Variants in GCN1 observed in about 807,000 individuals in gnomAD.
The protein encoded by GCN1 is GCN1 activator of EIF2AK4, also known as stalled ribosome sensor GCN1.
Under a neutral mutation model 288.4 loss-of-function variants are expected in GCN1, and 90 were observed. The observed-to-expected ratio is 0.31, with a 90% CI of 0.26 to 0.37. GCN1 has a LOEUF of 0.37. Ranked by LOEUF, GCN1 falls within the 10% of genes least tolerant of loss-of-function variation. The probability of loss-of-function intolerance (pLI) is 1.00; values close to 1 mark genes in which losing one functional copy is unlikely to be tolerated. For synonymous variants in GCN1, 1,386 were observed against 1,420.2 expected, an observed-to-expected ratio of 0.98 and a Z score of 0.54; for missense variants, 2,586 against 3,419.9, an observed-to-expected ratio of 0.76 and a Z score of 6.08.
In GCN1 at chr12:120,140,886, C is replaced by T. The variant is rs1472204291; in HGVS notation, c.5967G>A (p.Glu1989=). The stretch of plus-strand genomic sequence containing the variant: ...CATCCCGGCTGGTGGACTTCATGAT[C>T]TCACTTAGGCCAATGCACACACCCT... The part of the protein sequence containing the change: ...ERQGVCIGLS[E]IMKSTSRDAV... The change falls in exon 45 of 58, where the codon GAG becomes GAA. Residue 1989 remains glutamate (E), a synonymous_variant. Coordinates refer to ENST00000300648, the MANE Select transcript of GCN1 (RefSeq NM_006836.2). 2 of 1,613,860 alleles carry T rather than the reference C, an allele frequency of 1.2e-6. No individual in the cohort carries two copies. The highest frequency in any genetic ancestry group is 1.7e-5 in the Admixed American group (1 of 59,978).
chr12:120,176,532 C>T (rs1435825732), intron 9 of GCN1, among the ~76,000 whole-genome samples: 2 of 152,166 alleles, frequency 1.3e-5, no homozygotes, highest in Non-Finnish European at 2.9e-5. Context: ...AGGTTCTTAA[C>T]CTGAATCGTC....
chr12:120,133,752 AGC>A (rs1876905772), intron 53 of GCN1, among the ~76,000 whole-genome samples: 1 of 152,218 alleles, frequency 6.6e-6, no homozygotes, highest in Non-Finnish European at 1.5e-5. Flanking sequence ...GTCTCTACAA[AGC>A]TTACTTGCCT....
rs140664704 is a variant in GCN1 at position 120,155,305 on chromosome 12, C to T, written c.3566G>A (p.Arg1189His). ...AACCTCCGCCGCCTGCCGCTGGTAA[C>T]GTGCCACTGCTTGGGAGAGGGCTTC... The part of the protein sequence containing the change: ...GAEALSQAVA[R>H]YQRQAAEVMG... Residue 1189 changes from arginine (R) to histidine (H), a missense_variant, in exon 30 of 58, where the codon CGT becomes CAT. Physicochemically the swap from Arg to His is conservative, Grantham distance 29 (BLOSUM62 0). This residue lies in a region of GCN1 where 332 missense variants were observed against 403.0 expected (regional missense o/e 0.82). Coordinates refer to ENST00000300648, the MANE Select transcript of GCN1 (RefSeq NM_006836.2). The surrounding 1 kb of genome is among the most constrained non-coding windows in gnomAD (Gnocchi z 4.9). 3,655 of 1,614,224 alleles carry T rather than the reference C, an allele frequency of 2.3e-3. 10 individuals carry two copies. The highest frequency in any genetic ancestry group is 2.6e-3 in the South Asian group (235 of 91,086).
chr12:120,131,841 T>TGAGG, intron 54 of GCN1, 85 bp downstream of exon 54: 1 of 835,628 alleles, frequency 1.2e-6, no homozygotes, highest in Non-Finnish European at 2.0e-6. Flanking sequence ...AAAGATCCTC[T>TGAGG]GAGGGAGGGA....
chr12:120,151,930 T>C (rs1594269630), intron 33 of GCN1, among the ~76,000 whole-genome samples: 1 of 152,214 alleles, frequency 6.6e-6, no homozygotes, highest in African/African-American at 2.4e-5. Flanking sequence ...GGTGCCCAGG[T>C]GCGACTCTTT....
chr12:120,141,313 A>G (rs1194596965), intron 44 of GCN1, among the ~76,000 whole-genome samples: 1 of 152,164 alleles, frequency 6.6e-6, no homozygotes, highest in African/African-American at 2.4e-5. Context: ...TCAAGGGCCA[A>G]TTTCCCTGGA....
At chr12:120,148,986 A>ATTTTTTT (rs751197425) in intron 36 of GCN1, among the ~76,000 whole-genome samples, 1 of 139,396 alleles carries the variant, frequency 7.2e-6, no homozygotes. Context: ...CACTTGGCCT[A>ATTTTTTT]TTTTTTTTTT....
At chr12:120,152,652 C>T (rs1285851779) in intron 33 of GCN1, among the ~76,000 whole-genome samples, 1 of 138,130 alleles carries the variant, frequency 7.2e-6, no homozygotes, top group African/African-American at 2.7e-5. Context: ...CACACACACA[C>T]ACACACAAAA....
Position 120,184,785 on chromosome 12 carries a change from C to T in GCN1, c.185+39G>A, listed in dbSNP as rs370519118. The T allele has an allele frequency of 5.0e-5, 73 of 1,457,108 alleles. No individual in the cohort carries two copies. In the African/African-American group the frequency reaches 9.0e-4, roughly 18 times the overall value. The allele number at this position is 1,457,108 out of a possible 1,614,324, so 90.3% of individuals were successfully genotyped here. On this transcript the variant is annotated intron_variant, in intron 3 of 57. Transcript: ENST00000300648. ...CACTACTCTAAATCCCCTCTCTGTA[C>T]AAAGTGCTCCACATATGGGGCCTTT...
chr12:120,131,645 G>T, intron 54 of GCN1, among the ~76,000 whole-genome samples: 1 of 152,212 alleles, frequency 6.6e-6, no homozygotes, highest in South Asian at 2.1e-4. Flanking sequence ...ACAGGGCCTC[G>T]CTCTGTCGCC....
chr12:120,131,239 G>A lies in GCN1; in HGVS notation c.7509C>T (p.Gly2503=), dbSNP rs528887955. The A allele has an allele frequency of 7.4e-6, 12 of 1,614,028 alleles. No homozygotes were observed. The Admixed American group carries it at 1.5e-4, about 20-fold the overall frequency. The change falls in exon 55 of 58, where the codon GGC becomes GGT. Residue 2503 remains glycine, a synonymous_variant. Transcript: ENST00000300648. ...TTTCCTGAACATCACTGCTATATCT[G>A]CCGGCACAAAGTCTGCCAGGAGCCA... The part of the protein sequence containing the change: ...VNVAPGRLCA[G]RYSSDVQEMI...
intron 53 of GCN1, among the ~76,000 whole-genome samples, chr12:120,133,527 C>T (rs180942711): frequency 1.7e-4 from 26 of 152,158 alleles, no homozygotes; most frequent in African/African-American, 4.8e-4. Context: ...GACTTGCCAC[C>T]GGGACACACC....
At chr12:120,136,384 C>T in intron 51 of GCN1, 118 bp downstream of exon 51, 1 of 748,984 alleles carries the variant, frequency 1.3e-6, no homozygotes, top group Admixed American at 2.3e-5. Context: ...TCTTACCTCC[C>T]TCTGCTATGC....
At chr12:120,141,890 T>C (rs1174217224) in intron 44 of GCN1, among the ~76,000 whole-genome samples, 1 of 152,250 alleles carries the variant, frequency 6.6e-6, no homozygotes, top group Non-Finnish European at 1.5e-5. Context: ...AGTCGCATTT[T>C]ACATCTCTTT....
rs367654754 is a variant in GCN1 at position 120,136,703 on chromosome 12, C to T, written c.6807G>A (p.Arg2269=). The T allele has an allele frequency of 8.7e-5, 141 of 1,613,724 alleles. 1 individual carries two copies. The highest frequency in any genetic ancestry group is 2.0e-4 in the South Asian group (18 of 91,094). The change falls in exon 51 of 58, where the codon CGG becomes CGA. Residue 2269 remains arginine (R), a synonymous_variant. Transcript: ENST00000300648. Reference sequence around the variant, plus strand: ...CAGGGCTGCCAGTCAGGACTCCTTCCCGCAACACTGGAAGGATGGAGGTCA... The same window carrying T: ...CAGGGCTGCCAGTCAGGACTCCTTCTCGCAACACTGGAAGGATGGAGGTCA... The part of the protein sequence containing the change: ...KGVTSILPVL[R]EGVLTGSPEQ...
At chr12:120,135,947 C>A (rs1394171501) in intron 51 of GCN1, among the ~76,000 whole-genome samples, 1 of 151,182 alleles carries the variant, frequency 6.6e-6, no homozygotes, top group Non-Finnish European at 1.5e-5. Flanking sequence ...ACCCAGGAGG[C>A]GGAGGTTGCA....
In GCN1 at chr12:120,155,674, C is replaced by T. The variant is rs963785865; in HGVS notation, c.3358G>A (p.Glu1120Lys). 3.7e-6 allele frequency: 6 copies of T among 1,613,914 alleles called. No individual in the cohort carries two copies. The African/African-American group carries it at 8.0e-5, about 22-fold the overall frequency. The change falls in exon 29 of 58, where the codon GAG (glutamate) becomes AAG (lysine). Residue 1120 changes from glutamate to lysine, a missense_variant. By Grantham distance (56) the Glu-to-Lys change is moderately conservative. This residue lies in a region of GCN1 where 332 missense variants were observed against 403.0 expected (regional missense o/e 0.82). Coordinates refer to ENST00000300648, the MANE Select transcript of GCN1 (RefSeq NM_006836.2). This position sits in a 1 kb window ranked among gnomAD's most constrained non-coding sequence, Gnocchi z 4.9. ...CGCAGAAGGTTCAGGCCATTCTTCT[C>T]ATCAGTATCAGGTGCTGGCAATACC... Reference protein sequence around the residue: ...HMVLPAPDTDEKNGLNLLRRL... With the variant: ...HMVLPAPDTDKKNGLNLLRRL...
At chr12:120,149,061 T>C (rs1050796748) in intron 36 of GCN1, among the ~76,000 whole-genome samples, 2 of 150,722 alleles carry the variant, frequency 1.3e-5, no homozygotes, top group Non-Finnish European at 2.9e-5. Context: ...CTCAAGAGAT[T>C]CTCCTGCCTA....
chr12:120,136,794 T>C lies in GCN1; in HGVS notation c.6778-62A>G, dbSNP rs1594260174. The C allele has an allele frequency of 2.4e-6, 3 of 1,275,740 alleles. No individual in the cohort carries two copies. The East Asian group carries it at 7.2e-5, about 31-fold the overall frequency. The allele number at this position is 1,275,740 out of a possible 1,614,324, so 79.0% of individuals were successfully genotyped here. ...ACACCCTGGGCCCTGGTGTCTCCCATGCAAGCAAAGTGGTCCTGACAGCTG... is the reference window on the plus strand; with the variant it reads ...ACACCCTGGGCCCTGGTGTCTCCCACGCAAGCAAAGTGGTCCTGACAGCTG... On this transcript the variant is annotated intron_variant, in intron 50 of 57. Transcript: ENST00000300648.
Sources: gnomAD v4.1 joint callset for allele counts (sites outside exome capture counted in the v4.1 genomes callset) on GRCh38, gnomAD v4.1.1 for gene constraint, gnomAD v4.1.1 regional missense constraint, Gnocchi (gnomAD v3.1) non-coding constraint, MANE v1.5 for transcripts, NCBI Gene and HGNC (gene_info 2026-07-23, HGNC 2026-07-21) for gene names.